The following PDE8B variants were observed in gnomAD, a reference collection of about 807,000 sequenced individuals.
PDE8B encodes high affinity cAMP-specific and IBMX-insensitive 3',5'-cyclic phosphodiesterase 8B.
Under a neutral mutation model 101.3 loss-of-function variants are expected in PDE8B, and 26 were observed. The observed-to-expected ratio is 0.26, with a 90% CI of 0.19 to 0.36. PDE8B has a LOEUF of 0.36. PDE8B is among the 10% of genes least tolerant of loss of function. PDE8B has a pLI of 1.00. For synonymous variants in PDE8B, 424 were observed against 429.3 expected, an observed-to-expected ratio of 0.99 and a Z score of 0.15; for missense variants, 810 against 1,163.1, an observed-to-expected ratio of 0.70 and a Z score of 4.42.
At chr5:77,364,798 T>C (rs1196442621) in intron 10 of PDE8B, among the ~76,000 whole-genome samples, 2 of 152,102 alleles carry the variant, frequency 1.3e-5, no homozygotes, top group African/African-American at 4.8e-5. Flanking sequence ...CAAGTGCCTT[T>C]TGAGCACTTT....
At chr5:77,355,235 C>T (rs984039770) in intron 10 of PDE8B, among the ~76,000 whole-genome samples, 1 of 152,208 alleles carries the variant, frequency 6.6e-6, no homozygotes, top group Non-Finnish European at 1.5e-5. Context: ...CATGAATTAG[C>T]TGCTGCTCCT....
In PDE8B at chr5:77,378,456, TAAAAAAAAAA is replaced by T. The variant is rs58121927; in HGVS notation, c.1168-21773_1168-21764del. Among the ~76,000 whole-genome samples, 11 of 69,374 alleles carry T rather than the reference TAAAAAAAAAA, an allele frequency of 1.6e-4. No homozygotes were observed. The East Asian group carries it at 1.6e-3, about 10-fold the overall frequency. 45.5% of individuals were successfully genotyped at this position (69,374 alleles called of 152,430 possible). A position where few individuals can be genotyped will look rare whatever the true frequency, so the allele number is the denominator to read the frequency against. On this transcript the variant is annotated intron_variant, in intron 10 of 21. Coordinates refer to ENST00000264917, the MANE Select transcript of PDE8B (RefSeq NM_003719.5). Reference sequence around the variant, plus strand: ...CCTGGCGACAGAGCAAGACTCCATCTAAAAAAAAAAAAAAAAAAAAAAAAAAAAGGGCATG... The same window carrying T: ...CCTGGCGACAGAGCAAGACTCCATCTAAAAAAAAAAAAAAAAAAGGGCATG...
the PDE8B span, among the ~76,000 whole-genome samples, chr5:77,197,492 T>C: frequency 1.3e-5 from 2 of 152,166 alleles, no homozygotes; most frequent in South Asian, 4.1e-4. Context: ...ATACTTACCA[T>C]ATCCTTCTTT....
In PDE8B at chr5:77,378,574, G is replaced by A. The variant is rs75669504; in HGVS notation, c.1168-21674G>A. Among the ~76,000 whole-genome samples the A allele has an allele frequency of 3.7e-3, 568 of 151,966 alleles. 36 individuals carry two copies. In the East Asian group the frequency reaches 0.09, roughly 24 times the overall value. On this transcript the variant is annotated intron_variant, in intron 10 of 21. Coordinates refer to ENST00000264917, the MANE Select transcript of PDE8B (RefSeq NM_003719.5). ...CTGTAGTGTGTAATTGAATCACCTG[G>A]AGATTAAATGGCAAAATGTAGATTC...
intron 20 of PDE8B, among the ~76,000 whole-genome samples, chr5:77,423,931 C>G (rs866444043): frequency 2.9e-4 from 44 of 151,590 alleles, no homozygotes; most frequent in African/African-American, 8.0e-4. Flanking sequence ...GCCACCGCAC[C>G]CAGCCTGGAC....
In PDE8B at chr5:77,419,708, G is replaced by T; in HGVS notation, c.2130-59G>T. On this transcript the variant is annotated intron_variant, in intron 18 of 21. Transcript: ENST00000264917. Reference sequence around the variant, plus strand: ...TGAGGAGTGTAGTGAAATGGTGGCAGAATAGTTATAATTTGAGACACGCTG... The same window carrying T: ...TGAGGAGTGTAGTGAAATGGTGGCATAATAGTTATAATTTGAGACACGCTG... 3.7e-6 allele frequency: 6 copies of T among 1,604,016 alleles called. No individual in the cohort carries two copies. In the South Asian group the frequency reaches 6.6e-5, roughly 18 times the overall value.
chr5:77,230,707 A>T (rs1257706706), intron 1 of PDE8B, among the ~76,000 whole-genome samples: 1 of 152,160 alleles, frequency 6.6e-6, no homozygotes, highest in Admixed American at 6.5e-5. Flanking sequence ...GCCATCTCAA[A>T]GTGCTGGGAT....
intron 9 of PDE8B, among the ~76,000 whole-genome samples, chr5:77,352,616 G>A (rs1781364394): frequency 6.6e-6 from 1 of 152,180 alleles, no homozygotes. Context: ...CCTCTTTTCA[G>A]AGGCCTACAG....
At chr5:77,257,995 G>A (rs1002297458) in intron 1 of PDE8B, among the ~76,000 whole-genome samples, 3 of 152,112 alleles carry the variant, frequency 2.0e-5, no homozygotes, top group African/African-American at 7.2e-5. Context: ...AGTGTTTAGA[G>A]GAACCCAGAG....
At chr5:77,370,535 C>T (rs1784906007) in intron 10 of PDE8B, among the ~76,000 whole-genome samples, 1 of 152,086 alleles carries the variant, frequency 6.6e-6, no homozygotes, top group Non-Finnish European at 1.5e-5. Context: ...ATGGATATAC[C>T]ACAGTTTGTT....
rs141746686 is a variant in PDE8B at position 77,247,077 on chromosome 5, G to A, written c.339+35813G>A. 8.6e-4 allele frequency among the ~76,000 whole-genome samples: 131 copies of A among 152,262 alleles called. 3 individuals carry two copies. The East Asian group carries it at 0.021, about 24-fold the overall frequency. On this transcript the variant is annotated intron_variant, in intron 1 of 21. Transcript: ENST00000264917. Reference sequence around the variant, plus strand: ...TGTAGCACACAAATAAGTTAATTAAGGTTCATTGTTGTGCTATGGGCGTTT... The same window carrying A: ...TGTAGCACACAAATAAGTTAATTAAAGTTCATTGTTGTGCTATGGGCGTTT...
At chr5:77,105,916 C>T in the PDE8B span, 1 of 152,164 alleles carries the variant, frequency 6.6e-6, no homozygotes, top group African/African-American at 2.4e-5. Flanking sequence ...TTTTCCTTCA[C>T]CTAATGGCTA....
At chr5:77,117,455 C>T in the PDE8B span, among the ~76,000 whole-genome samples, 130 of 152,242 alleles carry the variant, frequency 8.5e-4, no homozygotes, top group African/African-American at 3.1e-3. Context: ...TCCATCTTTA[C>T]CTTTACCATG....
chr5:77,161,872 G>A, the PDE8B span, among the ~76,000 whole-genome samples: 7 of 151,750 alleles, frequency 4.6e-5, no homozygotes, highest in East Asian at 1.9e-4. Context: ...GATGACTAAT[G>A]TTGTTAAACA....
At chr5:77,138,586 A>T in the PDE8B span, among the ~76,000 whole-genome samples, 1 of 152,186 alleles carries the variant, frequency 6.6e-6, no homozygotes, top group Non-Finnish European at 1.5e-5. Flanking sequence ...CATGGAGTTT[A>T]TTTAGGAAAA....
chr5:77,311,769 C>T (rs1772674594), intron 1 of PDE8B, among the ~76,000 whole-genome samples: 1 of 151,300 alleles, frequency 6.6e-6, no homozygotes, highest in African/African-American at 2.4e-5. Context: ...GGGATGTATC[C>T]TTAAAGACAT....
At chr5:77,165,289 G>A in the PDE8B span, 2 of 152,194 alleles carry the variant, frequency 1.3e-5, no homozygotes, top group African/African-American at 4.8e-5. Context: ...TTACTTGCCT[G>A]TATAATTTAA....
intron 1 of PDE8B, among the ~76,000 whole-genome samples, chr5:77,247,992 G>A (rs1042486465): frequency 6.6e-6 from 1 of 152,190 alleles, no homozygotes; most frequent in Non-Finnish European, 1.5e-5. Context: ...CACTTCACCC[G>A]CATGGTGGTG....
At chr5:77,135,850 G>A in the PDE8B span, among the ~76,000 whole-genome samples, 1,991 of 151,706 alleles carry the variant, frequency 0.013, 50 homozygotes, top group African/African-American at 0.043. Context: ...GGCCTGCAAC[G>A]GTCCCTCACC....
Sources: gnomAD v4.1 joint callset for allele counts (sites outside exome capture counted in the v4.1 genomes callset) on GRCh38, gnomAD v4.1.1 for gene constraint, MANE v1.5 for transcripts, NCBI Gene and HGNC (gene_info 2026-07-23, HGNC 2026-07-21) for gene names.